CDH24: variants seen among roughly 807,000 people sequenced by gnomAD.
CDH24 encodes the protein cadherin-24.
CDH24 carries 61 observed loss-of-function variants against 71.2 expected under a neutral mutation model. The observed-to-expected ratio is 0.86, with a 90% CI of 0.70 to 1.06. The LOEUF (loss-of-function observed/expected upper bound fraction) is 1.06, where lower values mean the gene tolerates loss of function less well. CDH24 is among the 50% of genes least tolerant of loss of function. The pLI, the probability that CDH24 is intolerant of heterozygous loss-of-function variation, is 0.00. For synonymous variants in CDH24, 440 were observed against 470.2 expected (o/e 0.94, Z 0.83); for missense variants, 961 against 1,083.7 (o/e 0.89, Z 1.59).
Position 23,048,195 on chromosome 14 carries a change from G to A in CDH24, c.2131C>T (p.Arg711Cys), listed in dbSNP as rs2047056616. ...DVAQLLALRL[R>C]EADEDPGVPP... Reference sequence around the variant, plus strand: ...ACGCCGGGGTCCTCGTCCGCCTCGCGGAGCCGCAGCGCCAGGAGCTGCGCC... The same window carrying A: ...ACGCCGGGGTCCTCGTCCGCCTCGCAGAGCCGCAGCGCCAGGAGCTGCGCC... Residue 711 changes from arginine (R) to cysteine (C), a missense_variant, in exon 12 of 13, where the codon CGC (arginine) becomes TGC (cysteine). By Grantham distance (180) the Arg-to-Cys change is radical. Around this residue, in one of 2 missense-constraint regions of CDH24, gnomAD observed 290 missense variants for 272.8 expected, o/e 1.06. Coordinates refer to ENST00000487137, the MANE Select transcript of CDH24 (RefSeq NM_144985.4). The A allele has an allele frequency of 7.5e-6, 10 of 1,332,446 alleles. No homozygotes were observed. The highest frequency in any genetic ancestry group is 9.6e-6 in the Non-Finnish European group (10 of 1,037,490). 82.5% of individuals were successfully genotyped at this position (1,332,446 alleles called of 1,614,324 possible).
Position 23,054,381 on chromosome 14 carries a change from C to T in CDH24, c.785-53G>A. On this transcript the variant is annotated intron_variant, in intron 5 of 12. Transcript: ENST00000487137. The surrounding 1 kb of genome is among the most constrained non-coding windows in gnomAD (Gnocchi z 5.2). ...CTCAGAGAGGTCCCCAGCCCTCCTC[C>T]CTCCCCACAGCACTTTATTCTCCCA... 6.5e-7 allele frequency: 1 copy of T among 1,543,506 alleles called. No individual in the cohort carries two copies. The highest frequency in any genetic ancestry group is 8.8e-7 in the Non-Finnish European group (1 of 1,142,544).
Position 23,048,190 on chromosome 14 carries a change from C to T in CDH24, c.2136G>A (p.Glu712=), listed in dbSNP as rs1414967905. ...VAQLLALRLR[E]ADEDPGVPPY... ...GGGGTACGCCGGGGTCCTCGTCCGC[C>T]TCGCGGAGCCGCAGCGCCAGGAGCT... Residue 712 remains glutamate (E), a synonymous_variant, in exon 12 of 13, where the codon GAG becomes GAA. Transcript: ENST00000487137. 4.5e-6 allele frequency: 6 copies of T among 1,334,026 alleles called. No individual in the cohort carries two copies. Among genetic ancestry groups the T allele is most frequent in the Non-Finnish European group, 4.8e-6 (5 of 1,038,212 alleles). 82.6% of individuals were successfully genotyped at this position (1,334,026 alleles called of 1,614,324 possible).
Position 23,048,396 on chromosome 14 carries a change from T to G in CDH24, c.1930A>C (p.Ile644Leu), listed in dbSNP as rs1256581237. 1 of 1,612,480 alleles carries G rather than the reference T, an allele frequency of 6.2e-7. No homozygotes were observed. The highest frequency in any genetic ancestry group is 1.1e-5 in the South Asian group (1 of 91,080). ...VLEEEDVREN[I>L]ITYDDEGGGE... ...CCGCCCTCGTCGTCGTAGGTGATGA[T>G]GTTCTCTCGGACGTCCTCCTCCTCC... The change falls in exon 12 of 13, where the codon ATC becomes CTC. Residue 644 changes from isoleucine (I) to leucine (L), a missense_variant. Coordinates refer to ENST00000487137, the MANE Select transcript of CDH24 (RefSeq NM_144985.4).
Position 23,055,385 on chromosome 14 carries a change from T to C in CDH24, c.202-32A>G. 3 of 1,597,082 alleles carry C rather than the reference T, an allele frequency of 1.9e-6. No homozygotes were observed. The highest frequency in any genetic ancestry group is 2.6e-6 in the Non-Finnish European group (3 of 1,167,416). ...GGGTCACGAAAAGATGGCAGAGGGC[T>C]CCAAGTACAGAGACAGGGTTAAAGA... is the stretch of plus-strand genomic sequence containing the variant. On this transcript the variant is annotated intron_variant, in intron 2 of 12. Coordinates refer to ENST00000487137, the MANE Select transcript of CDH24 (RefSeq NM_144985.4). This position sits in a 1 kb window ranked among gnomAD's most constrained non-coding sequence, Gnocchi z 4.1.
At chr14:23,050,588 G>A (rs1306902837) in intron 8 of CDH24, among the ~76,000 whole-genome samples, 1 of 151,756 alleles carries the variant, frequency 6.6e-6, no homozygotes, top group South Asian at 2.1e-4. Context: ...CTTATCTTGG[G>A]TAGAAAGGTG....
chr14:23,050,504 C>T (rs902115408), intron 8 of CDH24, among the ~76,000 whole-genome samples: 3 of 141,382 alleles, frequency 2.1e-5, no homozygotes, highest in African/African-American at 4.9e-5. Context: ...CACACACACA[C>T]ACACACACAC....
Position 23,055,981 on chromosome 14 carries a change from C to T in CDH24, c.-124-124G>A, listed in dbSNP as rs1441560502. 3 of 473,842 alleles carry T rather than the reference C, an allele frequency of 6.3e-6. No homozygotes were observed. The East Asian group carries it at 9.4e-5, about 15-fold the overall frequency. 29.4% of individuals were successfully genotyped at this position (473,842 alleles called of 1,614,324 possible). A position where few individuals can be genotyped will look rare whatever the true frequency, so the allele number is the denominator to read the frequency against. On this transcript the variant is annotated intron_variant, in intron 1 of 12. Coordinates refer to ENST00000487137, the MANE Select transcript of CDH24 (RefSeq NM_144985.4). This position sits in a 1 kb window ranked among gnomAD's most constrained non-coding sequence, Gnocchi z 4.1. The stretch of plus-strand genomic sequence containing the variant: ...CCACTGCCCAGAACTCAGACTAAGA[C>T]AGAGAGCAGAGAGGCTGATCCTTCC...
chr14:23,048,522 G>C (rs189751918), intron 11 of CDH24, 43 bp from the exon 12 acceptor site: 31 of 1,587,596 alleles, frequency 2.0e-5, no homozygotes, highest in Admixed American at 1.4e-4. Flanking sequence ...CAGCAGGGCC[G>C]GGAGCGGGCG....
intron 8 of CDH24, 197 bp from the exon 9 acceptor site, chr14:23,050,140 G>T: frequency 1.5e-6 from 1 of 679,734 alleles, no homozygotes; most frequent in Non-Finnish European, 2.4e-6. Context: ...CAATATTCAT[G>T]TAGTACCCAA....
In CDH24 at chr14:23,051,891, C is replaced by A; in HGVS notation, c.1363+582G>T. The A allele has an allele frequency of 1.3e-6, 1 of 799,896 alleles. No homozygotes were observed. The highest frequency in any genetic ancestry group is 2.0e-6 in the Non-Finnish European group (1 of 507,184). The allele number at this position is 799,896 out of a possible 1,614,324, so 49.5% of individuals were successfully genotyped here. ...AGGGCTGCCCAGAGGCAGCTGAACC[C>A]GCTGCTGGCCTGACTGATGGGGGAG... is the stretch of plus-strand genomic sequence containing the variant. On this transcript the variant is annotated intron_variant, in intron 8 of 12. Coordinates refer to ENST00000487137, the MANE Select transcript of CDH24 (RefSeq NM_144985.4). This position sits in a 1 kb window ranked among gnomAD's most constrained non-coding sequence, Gnocchi z 4.4.
chr14:23,053,131 G>A (rs1282897906), intron 7 of CDH24, among the ~76,000 whole-genome samples: 1 of 152,224 alleles, frequency 6.6e-6, no homozygotes, highest in African/African-American at 2.4e-5. Context: ...AAGTGGTGAT[G>A]AGAACACCTA....
rs562826299 is a variant in CDH24, at chr14:23,047,710, G to GCAGGGC, written c.*264_*269dup. ...AGGAGAGGAATCACAGTGAGAGATC[G>GCAGGGC]CAGGGCCAGGGCCAGGGCAGGAAAC... On this transcript the variant is annotated 3_prime_UTR_variant, in exon 12 of 13. Transcript: ENST00000487137. 1.1e-4 allele frequency: 33 copies of GCAGGGC among 311,826 alleles called. 1 individual carries two copies. Among genetic ancestry groups the GCAGGGC allele is most frequent in the Middle Eastern group, 8.7e-4 (1 of 1,146 alleles). The allele number at this position is 311,826 out of a possible 1,614,324, so 19.3% of individuals were successfully genotyped here. A position where few individuals can be genotyped will look rare whatever the true frequency, so the allele number is the denominator to read the frequency against.
In CDH24 at chr14:23,048,196, G is replaced by A. The variant is rs1335989025; in HGVS notation, c.2130C>T (p.Leu710=). 8 of 1,333,512 alleles carry A rather than the reference G, an allele frequency of 6.0e-6. No homozygotes were observed. Among genetic ancestry groups the A allele is most frequent in the Admixed American group, 3.5e-5 (1 of 28,286 alleles). 82.6% of individuals were successfully genotyped at this position (1,333,512 alleles called of 1,614,324 possible). The change falls in exon 12 of 13, where the codon CTC becomes CTT. Residue 710 remains leucine (L), a synonymous_variant. Transcript: ENST00000487137. ...ADVAQLLALR[L]READEDPGVP... ...CGCCGGGGTCCTCGTCCGCCTCGCG[G>A]AGCCGCAGCGCCAGGAGCTGCGCCA...
At position 23,054,938 on chromosome 14, in the gene CDH24, T is replaced by A. The variant is rs2047115538; in HGVS notation, c.497-72A>T. On this transcript the variant is annotated intron_variant, in intron 3 of 12. Transcript: ENST00000487137. The surrounding 1 kb of genome is among the most constrained non-coding windows in gnomAD (Gnocchi z 5.2). ...GGGAAGAACAACCGATGGGGGGGGA[T>A]GCAGATACGAGGGAGGCTGAATTGA... 1 of 1,540,436 alleles carries A rather than the reference T, an allele frequency of 6.5e-7. No homozygotes were observed. The highest frequency in any genetic ancestry group is 1.4e-5 in the African/African-American group (1 of 70,914).
At position 23,053,595 on chromosome 14, in the gene CDH24, T is replaced by TG. The variant is rs1198442950; in HGVS notation, c.1126dup (p.Gln376ProfsTer10). 19 of 1,613,264 alleles carry TG rather than the reference T, an allele frequency of 1.2e-5. No individual in the cohort carries two copies. The highest frequency in any genetic ancestry group is 1.6e-5 in the Non-Finnish European group (19 of 1,179,548). ...AGGCACTGTCAGGTGGTAGGCAGCC[T>TG]GGGTGAAGGCAGGTGGCTCTGGGGC... On this transcript the variant is annotated frameshift_variant, in exon 7 of 13. Coordinates refer to ENST00000487137, the MANE Select transcript of CDH24 (RefSeq NM_144985.4). LOFTEE classifies it high-confidence loss of function.
In CDH24 at chr14:23,049,881, C is replaced by G; in HGVS notation, c.1426G>C (p.Ala476Pro). ...TCGTAGGGCTCAGCCAGCTGGGGAGCATTGTCATTCTCATCCAGGGTCTGG... is the reference window on the plus strand; with the variant it reads ...TCGTAGGGCTCAGCCAGCTGGGGAGGATTGTCATTCTCATCCAGGGTCTGG... ...AIQTLDENDN[A>P]PQLAEPYDTF... The change falls in exon 9 of 13, where the codon GCT becomes CCT. Residue 476 changes from alanine (A) to proline (P), a missense_variant. Around this residue, in one of 2 missense-constraint regions of CDH24, gnomAD observed 671 missense variants for 810.9 expected, o/e 0.83. Coordinates refer to ENST00000487137, the MANE Select transcript of CDH24 (RefSeq NM_144985.4). 6.2e-7 allele frequency: 1 copy of G among 1,614,070 alleles called. No individual in the cohort carries two copies. The highest frequency in any genetic ancestry group is 8.5e-7 in the Non-Finnish European group (1 of 1,180,008).
At position 23,055,493 on chromosome 14, in the gene CDH24, G is replaced by GT; in HGVS notation, c.201+39_201+40insA. The GT allele has an allele frequency of 6.2e-7, 1 of 1,607,660 alleles. No homozygotes were observed. Among genetic ancestry groups the GT allele is most frequent in the Non-Finnish European group, 8.5e-7 (1 of 1,175,696 alleles). On this transcript the variant is annotated intron_variant, in intron 2 of 12. Coordinates refer to ENST00000487137, the MANE Select transcript of CDH24 (RefSeq NM_144985.4). This position sits in a 1 kb window ranked among gnomAD's most constrained non-coding sequence, Gnocchi z 4.1. Reference sequence around the variant, plus strand: ...ATGAAGTTGCAGGGCAGGGCCTGAGGGCTTGGTGTCAGAGTAGACATGGGA... The same window carrying GT: ...ATGAAGTTGCAGGGCAGGGCCTGAGGTGCTTGGTGTCAGAGTAGACATGGGA...
Position 23,055,211 on chromosome 14 carries a change from T to G in CDH24, c.344A>C (p.Tyr115Ser), listed in dbSNP as rs745826084. 1.9e-6 allele frequency: 3 copies of G among 1,614,126 alleles called. No homozygotes were observed. Among genetic ancestry groups the G allele is most frequent in the East Asian group, 2.2e-5 (1 of 44,884 alleles). ...GTCCACGGCTTGGGCCAGTAGCACATATTGCGCCTTTTCCTCCCGGTCAAG... is the reference window on the plus strand; with the variant it reads ...GTCCACGGCTTGGGCCAGTAGCACAGATTGCGCCTTTTCCTCCCGGTCAAG... ...KSLDREEKAQYVLLAQAVDRA... is the reference protein window; with the variant it reads ...KSLDREEKAQSVLLAQAVDRA... The change falls in exon 3 of 13, where the codon TAT (tyrosine) becomes TCT (serine). Residue 115 changes from tyrosine to serine, a missense_variant. Around this residue, in one of 2 missense-constraint regions of CDH24, gnomAD observed 671 missense variants for 810.9 expected, o/e 0.83. Coordinates refer to ENST00000487137, the MANE Select transcript of CDH24 (RefSeq NM_144985.4). The surrounding 1 kb of genome is among the most constrained non-coding windows in gnomAD (Gnocchi z 4.1).
Position 23,054,093 on chromosome 14 carries a change from C to T in CDH24, c.972+48G>A, listed in dbSNP as rs200499391. 7.5e-5 allele frequency: 114 copies of T among 1,515,898 alleles called. No homozygotes were observed. The highest frequency in any genetic ancestry group is 9.1e-5 in the Non-Finnish European group (103 of 1,125,902). 93.9% of individuals were successfully genotyped at this position (1,515,898 alleles called of 1,614,324 possible). The stretch of plus-strand genomic sequence containing the variant: ...ACAGTTAAATATGTGCCCTGTGGGT[C>T]GGCAGGAGGCAGGTCTAAGAGAAAG... On this transcript the variant is annotated intron_variant, in intron 6 of 12. Transcript: ENST00000487137. The surrounding 1 kb of genome is among the most constrained non-coding windows in gnomAD (Gnocchi z 5.2).
Sources: gnomAD v4.1 joint callset for allele counts (sites outside exome capture counted in the v4.1 genomes callset) on GRCh38, gnomAD v4.1.1 for gene constraint, gnomAD v4.1.1 regional missense constraint, Gnocchi (gnomAD v3.1) non-coding constraint, MANE v1.5 for transcripts, NCBI Gene and HGNC (gene_info 2026-07-23, HGNC 2026-07-21) for gene names.